The following IRAG2 variants were observed in gnomAD, a reference collection of about 807,000 sequenced individuals.
IRAG2 encodes the protein inositol 1,4,5-triphosphate receptor associated 2.
Under a neutral mutation model 69.9 loss-of-function variants are expected in IRAG2, and 45 were observed. That is an observed-to-expected ratio of 0.64 (90% CI 0.51 to 0.83). The LOEUF (loss-of-function observed/expected upper bound fraction) is 0.83, where lower values mean the gene tolerates loss of function less well. Ranked by LOEUF, IRAG2 falls within the 40% of genes least tolerant of loss-of-function variation. IRAG2 has a pLI of 0.00. For missense variants in IRAG2, 520 were observed against 587.0 expected (o/e 0.89, Z 1.18); for synonymous variants, 193 against 202.4 (o/e 0.95, Z 0.40).
intron 14 of IRAG2, 34 bp from the exon 15 acceptor site, chr12:25,096,876 T>C: frequency 6.3e-7 from 1 of 1,574,884 alleles, no homozygotes; most frequent in Middle Eastern, 1.7e-4. Context: ...AATGCTTGTG[T>C]TAGATATCTT....
At chr12:25,028,706 A>G (rs1167911784) in intron 9 of IRAG2, among the ~76,000 whole-genome samples, 1 of 152,148 alleles carries the variant, frequency 6.6e-6, no homozygotes, top group South Asian at 2.1e-4. Flanking sequence ...GTCATCTCTA[A>G]TGGCTTATTT....
At chr12:25,057,802 A>C (rs1945365863) in intron 1 of IRAG2, among the ~76,000 whole-genome samples, 1 of 152,122 alleles carries the variant, frequency 6.6e-6, no homozygotes, top group Non-Finnish European at 1.5e-5. Context: ...CTAGCACCCT[A>C]AGGAACAACC....
intron 1 of IRAG2, among the ~76,000 whole-genome samples, chr12:25,059,559 G>T (rs1390222423): frequency 6.6e-6 from 1 of 152,098 alleles, no homozygotes; most frequent in African/African-American, 2.4e-5. Context: ...TCACCATGTT[G>T]TTCAGGCTGG....
chr12:25,031,634 C>T (rs921844650), intron 10 of IRAG2, among the ~76,000 whole-genome samples: 1 of 152,016 alleles, frequency 6.6e-6, no homozygotes, highest in Non-Finnish European at 1.5e-5. Context: ...ACATATTGCT[C>T]CCTTTTTGTC....
intron 2 of IRAG2, among the ~76,000 whole-genome samples, chr12:25,009,326 T>C (rs1041562128): frequency 7.2e-5 from 11 of 152,162 alleles, no homozygotes; most frequent in South Asian, 2.1e-4. Context: ...AAAACTATAA[T>C]AAATATTTTA....
intron 2 of IRAG2, 103 bp downstream of exon 2, chr12:25,061,756 A>G (rs1945651001): frequency 2.5e-6 from 1 of 396,896 alleles, no homozygotes; most frequent in African/African-American, 2.1e-5. Flanking sequence ...TAATCATTAA[A>G]TTAAATAACC....
chr12:25,072,091 G>A (rs1946376386), intron 6 of IRAG2, among the ~76,000 whole-genome samples: 1 of 152,130 alleles, frequency 6.6e-6, no homozygotes. Flanking sequence ...TGTAAAACCA[G>A]CTCCTTGGGA....
intron 16 of IRAG2, among the ~76,000 whole-genome samples, chr12:25,042,989 A>G (rs146001336): frequency 1.7e-5 from 2 of 118,722 alleles, no homozygotes; most frequent in East Asian, 4.8e-4. Flanking sequence ...GATAAAAGTG[A>G]TGTCTTTGAA....
chr12:25,097,225 TA>T (rs144166167), intron 15 of IRAG2, among the ~76,000 whole-genome samples, 181 bp downstream of exon 15: 20 of 117,338 alleles, frequency 1.7e-4, no homozygotes, highest in African/African-American at 3.8e-4. Flanking sequence ...TAAAAAATGT[TA>T]AAAAAATATA....
At chr12:24,998,008 G>A in the IRAG2 span, among the ~76,000 whole-genome samples, 3 of 152,238 alleles carry the variant, frequency 2.0e-5, no homozygotes, top group African/African-American at 7.2e-5. Context: ...TGGAATGTGT[G>A]TTAGTGAAAC....
chr12:25,047,298 A>G (rs1944802762), upstream of IRAG2, among the ~76,000 whole-genome samples: 1 of 152,248 alleles, frequency 6.6e-6, no homozygotes. Context: ...AGCACAGGCA[A>G]CAAAAGCAAA....
intron 6 of IRAG2, among the ~76,000 whole-genome samples, chr12:25,077,187 T>TATATATGAAATACATATG (rs1378332145): frequency 1.6e-5 from 1 of 63,216 alleles, no homozygotes; most frequent in Non-Finnish European, 3.7e-5. Context: ...ATATATATGA[T>TATATATGAAATACATATG]ATATATATGA....
intron 6 of IRAG2, among the ~76,000 whole-genome samples, chr12:25,018,193 C>CTTTTTTTTTTTTT (rs56659655): frequency 3.7e-4 from 39 of 105,494 alleles, no homozygotes; most frequent in Non-Finnish European, 5.0e-4. Flanking sequence ...TTTCTTTCTT[C>CTTTTTTTTTTTTT]TTTTTTTTTT....
chr12:25,015,282 G>T, intron 4 of IRAG2: 1 of 1,230,754 alleles, frequency 8.1e-7, no homozygotes, highest in Non-Finnish European at 1.0e-6. Context: ...GTTTCTTCAG[G>T]ATTGTTCTGT....
At chr12:25,087,967 A>T in intron 10 of IRAG2, 133 bp from the exon 11 acceptor site, 1 of 634,634 alleles carries the variant, frequency 1.6e-6, no homozygotes, top group East Asian at 2.8e-5. Flanking sequence ...GGTCCCTGGT[A>T]CCAAAAAGGT....
At position 25,069,387 on chromosome 12, in the gene IRAG2, A is replaced by G. The variant is rs749682075; in HGVS notation, c.-21A>G. 3.1e-6 allele frequency: 5 copies of G among 1,613,368 alleles called. No individual in the cohort carries two copies. The East Asian group carries it at 1.1e-4, about 36-fold the overall frequency. On this transcript the variant is annotated 5_prime_UTR_variant, in exon 6 of 22. Coordinates refer to ENST00000556887, the MANE Select transcript of IRAG2 (RefSeq NM_001366544.2). ...CACAAGTGGCCCCAGCCCAGGAACGAATCTCTCAGGCTGCATCAGGATGAA... is the reference window on the plus strand; with the variant it reads ...CACAAGTGGCCCCAGCCCAGGAACGGATCTCTCAGGCTGCATCAGGATGAA...
intron 5 of IRAG2, among the ~76,000 whole-genome samples, chr12:25,068,236 G>A (rs1946114139): frequency 6.6e-6 from 1 of 152,192 alleles, no homozygotes; most frequent in East Asian, 1.9e-4. Context: ...CGCCCAACAT[G>A]CTGGGATTAC....
chr12:25,007,748 C>T (rs761401953), intron 2 of IRAG2, among the ~76,000 whole-genome samples: 15 of 152,190 alleles, frequency 9.9e-5, no homozygotes, highest in Non-Finnish European at 2.1e-4. Context: ...TCTCGAACTC[C>T]TGACCTCAGG....
intron 9 of IRAG2, chr12:25,030,196 A>T (rs1944657953): frequency 2.2e-6 from 2 of 914,442 alleles, no homozygotes; most frequent in Non-Finnish European, 2.9e-6. Flanking sequence ...CTTCAGAAAC[A>T]TCTTACTGGA....
Sources: allele counts gnomAD v4.1 joint callset (sites outside exome capture counted in the v4.1 genomes callset), GRCh38; gene constraint gnomAD v4.1.1; transcripts MANE v1.5; gene names NCBI Gene and HGNC (gene_info 2026-07-23, HGNC 2026-07-21).